The following NFKB1 variants were observed in gnomAD, a reference collection of about 807,000 sequenced individuals.
NFKB1 encodes the protein nuclear factor NF-kappa-B p105 subunit.
A neutral mutation model predicts 105.1 loss-of-function variants in NFKB1; 9 were observed. The observed-to-expected ratio is 0.09, with a 90% CI of 0.05 to 0.15. The LOEUF (loss-of-function observed/expected upper bound fraction) is 0.15. Ranked by LOEUF, NFKB1 falls within the 10% of genes least tolerant of loss-of-function variation. NFKB1 has a pLI of 1.00. For synonymous variants in NFKB1, 440 were observed against 442.2 expected (o/e 1.00, Z 0.06); for missense variants, 830 against 1,203.7 (o/e 0.69, Z 4.59).
intron 5 of NFKB1, among the ~76,000 whole-genome samples, chr4:102,556,263 C>G (rs1431502632): frequency 6.6e-6 from 1 of 152,042 alleles, no homozygotes; most frequent in African/African-American, 2.4e-5. Flanking sequence ...GGAAGATACC[C>G]TACAAACAGC....
chr4:102,554,566 A>G (rs1722843202), intron 5 of NFKB1, among the ~76,000 whole-genome samples: 1 of 152,192 alleles, frequency 6.6e-6, no homozygotes, highest in Non-Finnish European at 1.5e-5. Context: ...AGGGAGTTTA[A>G]TGTTTCCTAT....
In NFKB1 at chr4:102,551,367, T is replaced by TGTGTGTGTGTGTGTGTGCGCGCGC. The variant is rs370790173; in HGVS notation, c.258+13412_258+13413insTGTGTGTGTGTGTGTGCGCGCGCG. 5.1e-3 allele frequency among the ~76,000 whole-genome samples: 759 copies of TGTGTGTGTGTGTGTGTGCGCGCGC among 150,144 alleles called. 3 individuals carry two copies. Among genetic ancestry groups the TGTGTGTGTGTGTGTGTGCGCGCGC allele is most frequent in the Non-Finnish European group, 6.0e-3 (406 of 67,440 alleles). ...AAATTGGTGTGTGTGTGTGTGTGTG[T>TGTGTGTGTGTGTGTGTGCGCGCGC]GCGCGCGCGCATGTGTGTGTGTGTG... On this transcript the variant is annotated intron_variant, in intron 5 of 23. Transcript: ENST00000226574.
intron 1 of NFKB1, among the ~76,000 whole-genome samples, chr4:102,508,932 G>T (rs1009011191): frequency 6.6e-6 from 1 of 152,206 alleles, no homozygotes; most frequent in South Asian, 2.1e-4. Flanking sequence ...GAGATAAATT[G>T]TATATCTCAT....
intron 5 of NFKB1, among the ~76,000 whole-genome samples, chr4:102,553,254 C>T (rs1578754228): frequency 6.6e-6 from 1 of 152,090 alleles, no homozygotes; most frequent in Admixed American, 6.5e-5. Context: ...AATTGCTTCT[C>T]TAGCCAGTGG....
chr4:102,519,082 CTG>C (rs1421813046), intron 1 of NFKB1, among the ~76,000 whole-genome samples: 1 of 151,980 alleles, frequency 6.6e-6, no homozygotes, highest in African/African-American at 2.4e-5. Flanking sequence ...ACCGTAAGCT[CTG>C]TGAGTACAGG....
At chr4:102,545,445 G>T (rs1722060395) in intron 5 of NFKB1, among the ~76,000 whole-genome samples, 2 of 152,078 alleles carry the variant, frequency 1.3e-5, no homozygotes, top group Admixed American at 6.6e-5. Context: ...ATCCACTGAT[G>T]CAGGTTCTGT....
intron 1 of NFKB1, chr4:102,503,241 T>C (rs1739204065): frequency 6.6e-6 from 1 of 152,142 alleles, no homozygotes. Flanking sequence ...ATTGAATTGC[T>C]AAAATGGAAA....
chr4:102,613,616 TC>T (rs753630853), intron 23 of NFKB1, 35 bp downstream of exon 23: 2 of 1,598,320 alleles, frequency 1.3e-6, no homozygotes, highest in South Asian at 2.2e-5. Context: ...GGAGATATTT[TC>T]CAGCTCCCCC....
intron 5 of NFKB1, among the ~76,000 whole-genome samples, chr4:102,560,964 G>C (rs1025411627): frequency 6.6e-6 from 1 of 151,968 alleles, no homozygotes. Flanking sequence ...GACTCAGAGA[G>C]GTTATTTAAT....
chr4:102,540,905 A>T (rs1397823208), intron 5 of NFKB1, among the ~76,000 whole-genome samples: 1 of 152,180 alleles, frequency 6.6e-6, no homozygotes, highest in African/African-American at 2.4e-5. Flanking sequence ...AGCAGAGGAA[A>T]AAATTGTTCT....
intron 1 of NFKB1, among the ~76,000 whole-genome samples, chr4:102,516,797 C>T (rs950603056): frequency 3.3e-5 from 5 of 151,972 alleles, no homozygotes; most frequent in African/African-American, 1.2e-4. Flanking sequence ...TCCTTTAAAA[C>T]GTGTTGAGCT....
intron 20 of NFKB1, 142 bp downstream of exon 20, chr4:102,610,841 T>C (rs558426323): frequency 9.1e-7 from 1 of 1,100,378 alleles, no homozygotes; most frequent in Admixed American, 2.9e-5. Flanking sequence ...TCAGAGACCA[T>C]TTTTATCTTG....
Position 102,524,302 on chromosome 4 carries a change from A to G in NFKB1, c.-7-1210A>G, listed in dbSNP as rs1329778454. Among the ~76,000 whole-genome samples, 3 of 152,316 alleles carry G rather than the reference A, an allele frequency of 2.0e-5. No homozygotes were observed. The East Asian group carries it at 5.8e-4, about 29-fold the overall frequency. ...ATAGAAGATTGCTAGGGCCTGCAGT[A>G]TATTAATGTTTAGCTGGAGTTGATT... On this transcript the variant is annotated intron_variant, in intron 1 of 23. Transcript: ENST00000226574.
chr4:102,587,247 C>G (rs1459037321), intron 11 of NFKB1, among the ~76,000 whole-genome samples: 1 of 152,150 alleles, frequency 6.6e-6, no homozygotes, highest in Non-Finnish European at 1.5e-5. Context: ...ATGTGAAAAT[C>G]ACTGCTTTAA....
intron 5 of NFKB1, among the ~76,000 whole-genome samples, chr4:102,566,391 A>T (rs1243606361): frequency 6.6e-6 from 1 of 152,200 alleles, no homozygotes; most frequent in Non-Finnish European, 1.5e-5. Flanking sequence ...CAATTATCAG[A>T]AGTCAGAGAG....
At chr4:102,586,836 C>T (rs1725748675) in intron 11 of NFKB1, among the ~76,000 whole-genome samples, 1 of 152,218 alleles carries the variant, frequency 6.6e-6, no homozygotes, top group Non-Finnish European at 1.5e-5. Context: ...GCAGCAGCAA[C>T]AAGCCACATG....
Position 102,612,528 on chromosome 4 carries a change from G to A in NFKB1, c.2514G>A (p.Gln838=), listed in dbSNP as rs371153863. The A allele has an allele frequency of 1.9e-6, 3 of 1,614,072 alleles. No individual in the cohort carries two copies. Among genetic ancestry groups the A allele is most frequent in the Non-Finnish European group, 2.5e-6 (3 of 1,180,024 alleles). The change falls in exon 22 of 24, where the codon CAG becomes CAA. Residue 838 remains glutamine, a synonymous_variant. Coordinates refer to ENST00000226574, the MANE Select transcript of NFKB1 (RefSeq NM_003998.4). Reference sequence around the variant, plus strand: ...ACAAAAACTGGGCTACTCTGGCGCAGAAATTAGGTCTGGGGATACTTAATA... The same window carrying A: ...ACAAAAACTGGGCTACTCTGGCGCAAAAATTAGGTCTGGGGATACTTAATA... ...DPDKNWATLA[Q]KLGLGILNNA...
At chr4:102,567,781 C>G (rs4648015) in intron 6 of NFKB1, among the ~76,000 whole-genome samples, 3,475 of 152,076 alleles carry the variant, frequency 0.023, 63 homozygotes, top group African/African-American at 0.058. Flanking sequence ...AATTTCAATC[C>G]AAAAGAATTA....
At chr4:102,511,744 A>G (rs931499876) in intron 1 of NFKB1, among the ~76,000 whole-genome samples, 2 of 152,216 alleles carry the variant, frequency 1.3e-5, no homozygotes, top group African/African-American at 2.4e-5. Context: ...GAAGAATCCC[A>G]TAGCTAAAAA....
Sources: allele counts gnomAD v4.1 joint callset (sites outside exome capture counted in the v4.1 genomes callset), GRCh38; gene constraint gnomAD v4.1.1; transcripts MANE v1.5; gene names NCBI Gene and HGNC (gene_info 2026-07-23, HGNC 2026-07-21).